Variants in FGD6 observed in about 807,000 individuals in gnomAD.
FGD6 encodes the protein FYVE, RhoGEF and PH domain-containing protein 6.
A neutral mutation model predicts 149.4 loss-of-function variants in FGD6; 90 were observed. The ratio of observed to expected loss-of-function variants is 0.60; its 90% CI spans 0.51 to 0.72. The LOEUF (loss-of-function observed/expected upper bound fraction) is 0.72, where lower values mean the gene tolerates loss of function less well. FGD6 is among the 30% of genes least tolerant of loss of function. The pLI is 0.00. For synonymous variants in FGD6, 527 were observed against 584.0 expected, an observed-to-expected ratio of 0.90 and a Z score of 1.41; for missense variants, 1,437 against 1,684.8, an observed-to-expected ratio of 0.85 and a Z score of 2.57.
At position 95,177,796 on chromosome 12, in the gene FGD6, A is replaced by T. The variant is rs79729552; in HGVS notation, c.2442-5052T>A. On this transcript the variant is annotated intron_variant, in intron 2 of 20. Transcript: ENST00000343958. ...GGTATACAATTTTCACCAAAAAATT[A>T]TTTCTATTTTGTTTTACCAGGAAAC... Among the ~76,000 whole-genome samples, 1,472 of 152,248 alleles carry T rather than the reference A, an allele frequency of 9.7e-3. 23 individuals carry two copies. Among genetic ancestry groups the T allele is most frequent in the African/African-American group, 0.034 (1,394 of 41,536 alleles).
intron 2 of FGD6, among the ~76,000 whole-genome samples, chr12:95,179,339 GA>G (rs57452963): frequency 0.097 from 13,852 of 142,074 alleles, 780 homozygotes; most frequent in Non-Finnish European, 0.11. Context: ...CCATTTCTAT[GA>G]AAAAAAAAAA....
In FGD6 at chr12:95,209,937, A is replaced by C; in HGVS notation, c.1347T>G (p.Cys449Trp). 6.2e-7 allele frequency: 1 copy of C among 1,612,822 alleles called. No homozygotes were observed. ...AVDEGTGFIR[C>W]TVSMSLPKQL... ...GCTTAGGCAGGCTCATAGATACAGT[A>C]CATCTTATAAAACCGGTCCCTTCGT... Residue 449 changes from cysteine to tryptophan, a missense_variant, in exon 2 of 21, where the codon TGT (cysteine) becomes TGG (tryptophan). Cys to Trp is a radical substitution (Grantham distance 215). Transcript: ENST00000343958.
chr12:95,086,014 T>TC, intron 18 of FGD6, 106 bp from the exon 19 acceptor site: 1 of 1,093,636 alleles, frequency 9.1e-7, no homozygotes, highest in African/African-American at 1.6e-5. Flanking sequence ...AATGATAGAA[T>TC]GTTTCAGAAT....
rs1176735907 is a variant in FGD6 at position 95,148,320 on chromosome 12, G to A, written c.2685+4491C>T. On this transcript the variant is annotated intron_variant, in intron 5 of 20. Transcript: ENST00000343958. ...AAATCTATTTAGTAACAGACATCTG[G>A]ATCCAGGCCTAGGGTAGCCTTGCCT... is the stretch of plus-strand genomic sequence containing the variant. 4.7e-5 allele frequency among the ~76,000 whole-genome samples: 7 copies of A among 150,068 alleles called. No homozygotes were observed. In the Admixed American group the frequency reaches 4.7e-4, roughly 10 times the overall value.
At chr12:95,160,091 C>T (rs556611529) in intron 3 of FGD6, among the ~76,000 whole-genome samples, 17 of 150,282 alleles carry the variant, frequency 1.1e-4, no homozygotes, top group African/African-American at 4.2e-4. Context: ...ACGCTTGTAA[C>T]CCTAGCAATT....
Position 95,092,717 on chromosome 12 carries a change from G to A in FGD6, c.3729C>T (p.His1243=). The change falls in exon 16 of 21, where the codon CAC becomes CAT. Residue 1243 remains histidine, a synonymous_variant. Coordinates refer to ENST00000343958, the MANE Select transcript of FGD6 (RefSeq NM_018351.4). ...SEFTLTWRRH[H]CRACGKIVCQ... ...CGCCAACCTTTCCACAGGCCCGGCA[G>A]TGGTGTCGTCTCCAGGTGAGAGTGA... The A allele has an allele frequency of 6.2e-7, 1 of 1,614,134 alleles. No homozygotes were observed.
chr12:95,155,687 G>A (rs780478009), intron 3 of FGD6, among the ~76,000 whole-genome samples: 9 of 152,172 alleles, frequency 5.9e-5, no homozygotes, highest in Non-Finnish European at 1.2e-4. Flanking sequence ...TAGAGTGAAT[G>A]AAGTCAAACA....
At chr12:95,103,784 G>A (rs943550179) in intron 14 of FGD6, among the ~76,000 whole-genome samples, 15 of 152,244 alleles carry the variant, frequency 9.9e-5, no homozygotes, top group Admixed American at 3.3e-4. Context: ...TGATCCACCC[G>A]CCTTGGCCTC....
Position 95,217,349 on chromosome 12 carries a change from C to T in FGD6, c.-109G>A. 3 of 1,389,926 alleles carry T rather than the reference C, an allele frequency of 2.2e-6. No individual in the cohort carries two copies. Among genetic ancestry groups the T allele is most frequent in the Non-Finnish European group, 2.9e-6 (3 of 1,052,086 alleles). The allele number at this position is 1,389,926 out of a possible 1,614,324, so 86.1% of individuals were successfully genotyped here. A position where few individuals can be genotyped will look rare whatever the true frequency, so the allele number is the denominator to read the frequency against. ...GAGAGAAAAGCCCCCGCAGCGCCCA[C>T]ATTCCGTCCCGCCGCCCCGCGGCGC... On this transcript the variant is annotated 5_prime_UTR_variant, in exon 1 of 21. The change creates a new upstream start codon in the 5' untranslated region. Transcript: ENST00000343958.
At chr12:95,090,289 G>A (rs1454699796) in intron 17 of FGD6, among the ~76,000 whole-genome samples, 2 of 152,078 alleles carry the variant, frequency 1.3e-5, no homozygotes, top group Non-Finnish European at 2.9e-5. Context: ...GAATAATGAG[G>A]CCAGATTAAA....
Position 95,209,939 on chromosome 12 carries a change from A to C in FGD6, c.1345T>G (p.Cys449Gly), listed in dbSNP as rs567739609. ...TTAGGCAGGCTCATAGATACAGTAC[A>C]TCTTATAAAACCGGTCCCTTCGTCC... is the stretch of plus-strand genomic sequence containing the variant. Reference protein sequence around the residue: ...AVDEGTGFIRCTVSMSLPKQL... With the variant: ...AVDEGTGFIRGTVSMSLPKQL... The change falls in exon 2 of 21, where the codon TGT becomes GGT. Residue 449 changes from cysteine (C) to glycine (G), a missense_variant. By Grantham distance (159) the Cys-to-Gly change is radical. Transcript: ENST00000343958. 6.2e-7 allele frequency: 1 copy of C among 1,612,668 alleles called. No homozygotes were observed. The highest frequency in any genetic ancestry group is 1.7e-5 in the Admixed American group (1 of 59,682).
chr12:95,081,643 C>T (rs7399211), intron 20 of FGD6, 87 bp from the exon 21 acceptor site: 29,422 of 737,162 alleles, frequency 0.04, 898 homozygotes, highest in Middle Eastern at 0.12. Context: ...GCCTGTGGTC[C>T]TCATTACCAT....
At chr12:95,183,610 A>C (rs1881344803) in intron 2 of FGD6, among the ~76,000 whole-genome samples, 1 of 152,212 alleles carries the variant, frequency 6.6e-6, no homozygotes, top group South Asian at 2.1e-4. Context: ...AGGCCAAGGC[A>C]GGAGGATCAT....
chr12:95,095,751 C>G (rs530566825), intron 14 of FGD6, among the ~76,000 whole-genome samples: 4 of 152,134 alleles, frequency 2.6e-5, no homozygotes, highest in African/African-American at 9.6e-5. Context: ...TGGTGGCTCA[C>G]GCCTGTAATC....
At chr12:95,208,769 C>T in intron 2 of FGD6, 74 bp downstream of exon 2, 1 of 1,502,712 alleles carries the variant, frequency 6.7e-7, no homozygotes, top group Non-Finnish European at 8.9e-7. Flanking sequence ...TTTCCCCCTG[C>T]ATTCCTAACT....
chr12:95,082,722 A>G (rs989820345), intron 20 of FGD6, among the ~76,000 whole-genome samples: 3 of 151,144 alleles, frequency 2.0e-5, no homozygotes, highest in Non-Finnish European at 4.4e-5. Flanking sequence ...TTTAGTCTCA[A>G]AGTTTTATCT....
At chr12:95,195,386 A>G (rs1881710662) in intron 2 of FGD6, among the ~76,000 whole-genome samples, 1 of 152,058 alleles carries the variant, frequency 6.6e-6, no homozygotes, top group South Asian at 2.1e-4. Flanking sequence ...TCAGAGCAGC[A>G]TCACACCACT....
At chr12:95,161,173 T>C (rs1050992482) in intron 3 of FGD6, among the ~76,000 whole-genome samples, 13 of 150,760 alleles carry the variant, frequency 8.6e-5, no homozygotes, top group African/African-American at 2.4e-4. Flanking sequence ...CATTGAAACT[T>C]CATCTCAAAA....
intron 2 of FGD6, among the ~76,000 whole-genome samples, chr12:95,201,994 ACACACATCT>A (rs1036116166): frequency 1.7e-5 from 2 of 114,556 alleles, no homozygotes; most frequent in African/African-American, 3.6e-5. Context: ...ACACACACAC[ACACACATCT>A]TCTTCTTCCA....
Sources: gnomAD v4.1 joint callset for allele counts (sites outside exome capture counted in the v4.1 genomes callset) on GRCh38, gnomAD v4.1.1 for gene constraint, MANE v1.5 for transcripts, NCBI Gene and HGNC (gene_info 2026-07-23, HGNC 2026-07-21) for gene names.